The following TOP3A variants were observed in gnomAD, a reference collection of about 807,000 sequenced individuals.
TOP3A encodes the protein DNA topoisomerase 3-alpha.
In TOP3A, 64 loss-of-function variants were observed where a neutral mutation model predicts 111.3. The ratio of observed to expected loss-of-function variants is 0.57; its 90% CI spans 0.47 to 0.71. The LOEUF (loss-of-function observed/expected upper bound fraction) is 0.71. Ranked by LOEUF, TOP3A falls within the 30% of genes least tolerant of loss-of-function variation. The pLI is 0.00. For synonymous variants in TOP3A, 484 were observed against 485.1 expected, an observed-to-expected ratio of 1.00 and a Z score of 0.03; for missense variants, 1,104 against 1,285.0, an observed-to-expected ratio of 0.86 and a Z score of 2.15.
chr17:18,302,759 A>G, intron 5 of TOP3A, 36 bp from the exon 6 acceptor site: 1 of 1,595,044 alleles, frequency 6.3e-7, no homozygotes, highest in South Asian at 1.1e-5. Context: ...GTCAAAGTCA[A>G]ATCACACTGC....
chr17:18,308,953 A>G lies in TOP3A; in HGVS notation c.181-12T>C. On this transcript the variant is annotated splice_polypyrimidine_tract_variant and intron_variant, in intron 1 of 18. Coordinates refer to ENST00000321105, the MANE Select transcript of TOP3A (RefSeq NM_004618.5). ...GAAAGTCCTTCTCTCTATAAAACAAAAATAAGTAAAAAATATAAATTACGT... is the reference window on the plus strand; with the variant it reads ...GAAAGTCCTTCTCTCTATAAAACAAGAATAAGTAAAAAATATAAATTACGT... 1 of 1,349,014 alleles carries G rather than the reference A, an allele frequency of 7.4e-7. No individual in the cohort carries two copies. The highest frequency in any genetic ancestry group is 1.5e-5 in the African/African-American group (1 of 66,806). 83.6% of individuals were successfully genotyped at this position (1,349,014 alleles called of 1,614,324 possible). A position where few individuals can be genotyped will look rare whatever the true frequency, so the allele number is the denominator to read the frequency against.
chr17:18,297,379 C>T (rs996904489), intron 9 of TOP3A, among the ~76,000 whole-genome samples: 4 of 152,248 alleles, frequency 2.6e-5, no homozygotes, highest in African/African-American at 9.6e-5. Flanking sequence ...GAGCTGAGAC[C>T]GCACCATTGC....
At chr17:18,288,856 C>T (rs1356217314) in intron 13 of TOP3A, among the ~76,000 whole-genome samples, 1 of 152,178 alleles carries the variant, frequency 6.6e-6, no homozygotes, top group Non-Finnish European at 1.5e-5. Flanking sequence ...AGATTGAGAA[C>T]TTAAAAAATG....
chr17:18,294,033 G>A (rs538724444), intron 10 of TOP3A, among the ~76,000 whole-genome samples: 1 of 152,296 alleles, frequency 6.6e-6, no homozygotes, highest in East Asian at 1.9e-4. Flanking sequence ...CTCAATAGCT[G>A]CAGGCTGGAC....
rs1979036765 is a variant in TOP3A at position 18,272,189 on chromosome 17, A to C, written c.*2613T>G. ...TGGTCAATGTCATTAATGACTAGGA[A>C]AATGCAAAACAAAACCACAATGACA... On this transcript the variant is annotated 3_prime_UTR_variant, in exon 19 of 19. Transcript: ENST00000321105. Among the ~76,000 whole-genome samples the C allele has an allele frequency of 6.6e-6, 1 of 152,234 alleles. No individual in the cohort carries two copies. The highest frequency in any genetic ancestry group is 1.5e-5 in the Non-Finnish European group (1 of 68,040).
chr17:18,278,169 C>G lies in TOP3A; in HGVS notation c.2333G>C (p.Ser778Thr), dbSNP rs973503519. The G allele has an allele frequency of 1.9e-6, 3 of 1,613,900 alleles. No homozygotes were observed. Among genetic ancestry groups the G allele is most frequent in the Admixed American group, 1.7e-5 (1 of 60,006 alleles). The change falls in exon 18 of 19, where the codon AGC becomes ACC. Residue 778 changes from serine to threonine, a missense_variant. Physicochemically the swap from Ser to Thr is moderately conservative, Grantham distance 58. Transcript: ENST00000321105. ...GCTGTCAGCAGGCTGGGGGTGCTGG[C>G]TGTTGTCCATCCTGTTCAGGGACTG... ...ANQSLNRMDN[S>T]QHPQPADSRQ...
At chr17:18,278,624 C>G (rs1462322401) in intron 17 of TOP3A, among the ~76,000 whole-genome samples, 2 of 152,198 alleles carry the variant, frequency 1.3e-5, no homozygotes, top group Non-Finnish European at 2.9e-5. Flanking sequence ...TCCCATGTCT[C>G]TGTATCAGCA....
intron 9 of TOP3A, among the ~76,000 whole-genome samples, chr17:18,295,042 A>T (rs547961822): frequency 7.5e-4 from 114 of 152,326 alleles, no homozygotes; most frequent in African/African-American, 2.7e-3. Flanking sequence ...CCACTGGGGA[A>T]GGTGCTATGT....
intron 17 of TOP3A, among the ~76,000 whole-genome samples, chr17:18,279,094 T>C (rs1265018519): frequency 6.6e-6 from 1 of 152,242 alleles, no homozygotes; most frequent in Non-Finnish European, 1.5e-5. Context: ...CAGAAGCAGA[T>C]ACGGGAATCC....
chr17:18,282,406 G>A (rs1979814726), intron 16 of TOP3A, among the ~76,000 whole-genome samples: 1 of 152,176 alleles, frequency 6.6e-6, no homozygotes, highest in South Asian at 2.1e-4. Context: ...TAGATCTGAA[G>A]CTCATGCTCC....
rs1454899726 is a variant in TOP3A at position 18,278,151 on chromosome 17, G to A, written c.2351C>T (p.Ala784Val). The A allele has an allele frequency of 6.2e-7, 1 of 1,614,180 alleles. No individual in the cohort carries two copies. The highest frequency in any genetic ancestry group is 1.1e-5 in the South Asian group (1 of 91,086). The change falls in exon 18 of 19, where the codon GCT becomes GTT. Residue 784 changes from alanine (A) to valine (V), a missense_variant. By Grantham distance (64) the Ala-to-Val change is moderately conservative. Transcript: ENST00000321105. The part of the protein sequence containing the change: ...RMDNSQHPQP[A>V]DSRQTGSSKA... ...TGAGGACCCAGTCTGTCTGCTGTCA[G>A]CAGGCTGGGGGTGCTGGCTGTTGTC...
At chr17:18,293,487 A>T (rs1297034529) in intron 10 of TOP3A, among the ~76,000 whole-genome samples, 1 of 145,888 alleles carries the variant, frequency 6.9e-6, no homozygotes. Context: ...GGGTTTTGTC[A>T]TGTTGCTCAG....
chr17:18,309,788 C>A (rs1402313072), intron 1 of TOP3A, among the ~76,000 whole-genome samples: 1 of 145,832 alleles, frequency 6.9e-6, no homozygotes, highest in African/African-American at 2.6e-5. Context: ...CGGCTCACTG[C>A]AAGCTCCACC....
chr17:18,313,718 C>T (rs1480287401), intron 1 of TOP3A, among the ~76,000 whole-genome samples: 1 of 152,140 alleles, frequency 6.6e-6, no homozygotes, highest in Non-Finnish European at 1.5e-5. Flanking sequence ...ACCAGGACTT[C>T]TAGCACTGGA....
chr17:18,277,980 C>T lies in TOP3A; in HGVS notation c.2522G>A (p.Gly841Asp), dbSNP rs1451297736. Reference sequence around the variant, plus strand: ...TGCCCACAGGAAGAAGTTGCAGCTACCTCCGTTGCACTTAAAGAACTGCCG... The same window carrying T: ...TGCCCACAGGAAGAAGTTGCAGCTATCTCCGTTGCACTTAAAGAACTGCCG... ...RGRQFFKCNG[G>D]SCNFFLWADS... is the part of the protein sequence containing the mutation. The change falls in exon 18 of 19, where the codon GGT (glycine) becomes GAT (aspartate). Residue 841 changes from glycine to aspartate, a missense_variant. Coordinates refer to ENST00000321105, the MANE Select transcript of TOP3A (RefSeq NM_004618.5). 1.2e-6 allele frequency: 2 copies of T among 1,613,952 alleles called. No individual in the cohort carries two copies. Among genetic ancestry groups the T allele is most frequent in the Admixed American group, 1.7e-5 (1 of 60,012 alleles).
intron 10 of TOP3A, 67 bp downstream of exon 10, chr17:18,294,636 C>T (rs1980682524): frequency 1.5e-6 from 2 of 1,299,180 alleles, no homozygotes; most frequent in Non-Finnish European, 2.2e-6. Context: ...CCCATAAACT[C>T]TATTTCTCAA....
Position 18,274,698 on chromosome 17 carries a change from C to CT in TOP3A, c.*103dup, listed in dbSNP as rs1555567322. 466 of 1,517,144 alleles carry CT rather than the reference C, an allele frequency of 3.1e-4. No individual in the cohort carries two copies. The highest frequency in any genetic ancestry group is 3.9e-4 in the Non-Finnish European group (445 of 1,131,704). 94.0% of individuals were successfully genotyped at this position (1,517,144 alleles called of 1,614,324 possible). ...CGACTCCAAAGGCCAACACTGTCCT[C>CT]TAAGTTTCCAGGACACTAAATGGCC... On this transcript the variant is annotated 3_prime_UTR_variant, in exon 19 of 19. Transcript: ENST00000321105.
At chr17:18,308,748 T>A (rs1981738119) in intron 2 of TOP3A, 134 bp downstream of exon 2, 1 of 527,744 alleles carries the variant, frequency 1.9e-6, no homozygotes, top group South Asian at 3.7e-5. Flanking sequence ...TATAAAGTGA[T>A]CACCCCATAT....
intron 1 of TOP3A, chr17:18,312,159 C>G (rs959459616): frequency 6.6e-6 from 1 of 152,374 alleles, no homozygotes. Context: ...CCTCAGACTA[C>G]CAAACTTAAG....
Sources: allele counts gnomAD v4.1 joint callset (sites outside exome capture counted in the v4.1 genomes callset), GRCh38; gene constraint gnomAD v4.1.1; transcripts MANE v1.5; gene names NCBI Gene and HGNC (gene_info 2026-07-23, HGNC 2026-07-21).